Variants in PATJ observed in about 807,000 individuals in gnomAD.
PATJ encodes the protein PATJ crumbs cell polarity complex component, also known as inaD-like protein.
A neutral mutation model predicts 224.9 loss-of-function variants in PATJ; 190 were observed. That is an observed-to-expected ratio of 0.84 (90% CI 0.75 to 0.95). The LOEUF is 0.95. Among genes scored for constraint, PATJ ranks in the 40% least tolerant of loss-of-function variants. The probability of loss-of-function intolerance (pLI) is 0.00; values close to 1 mark genes in which losing one functional copy is unlikely to be tolerated. For synonymous variants in PATJ, 769 were observed against 820.3 expected (o/e 0.94, Z 1.07); for missense variants, 2,121 against 2,270.3 (o/e 0.93, Z 1.34).
chr1:62,058,270 C>G (rs1466961956), intron 31 of PATJ, among the ~76,000 whole-genome samples: 1 of 152,206 alleles, frequency 6.6e-6, no homozygotes, highest in Non-Finnish European at 1.5e-5. Context: ...GAAATGCACA[C>G]TGCAGCTGAC....
intron 26 of PATJ, among the ~76,000 whole-genome samples, chr1:61,927,065 GT>G: frequency 6.6e-6 from 1 of 152,232 alleles, no homozygotes; most frequent in Non-Finnish European, 1.5e-5. Context: ...TGATCATAGA[GT>G]TTAGTTCTAC....
intron 28 of PATJ, among the ~76,000 whole-genome samples, chr1:61,995,871 T>C (rs1645322407): frequency 6.6e-6 from 1 of 152,216 alleles, no homozygotes; most frequent in Non-Finnish European, 1.5e-5. Context: ...TCATTTATAA[T>C]CTTCCCTTCA....
chr1:62,037,938 T>G, intron 29 of PATJ, 39 bp from the exon 30 acceptor site: 1 of 1,365,122 alleles, frequency 7.3e-7, no homozygotes, highest in Non-Finnish European at 1.0e-6. Context: ...AACTTAGCAT[T>G]TACTGTGTAC....
chr1:61,781,062 A>T (rs1020531787), intron 7 of PATJ, among the ~76,000 whole-genome samples: 2 of 152,218 alleles, frequency 1.3e-5, no homozygotes, highest in African/African-American at 4.8e-5. Flanking sequence ...CAAATTATAG[A>T]TATGGAAACC....
intron 28 of PATJ, among the ~76,000 whole-genome samples, chr1:62,003,284 A>G (rs575153154): frequency 8.5e-5 from 13 of 152,284 alleles, no homozygotes; most frequent in Admixed American, 2.6e-4. Context: ...ATATTTCTCT[A>G]TTTTCTCGAA....
chr1:61,872,305 T>C (rs1296431014), intron 20 of PATJ, among the ~76,000 whole-genome samples: 4 of 152,114 alleles, frequency 2.6e-5, no homozygotes, highest in Non-Finnish European at 4.4e-5. Context: ...TAGGCTCCAT[T>C]AGTTATCTGA....
At chr1:61,857,900 G>A (rs538482408) in intron 18 of PATJ, among the ~76,000 whole-genome samples, 146 of 152,178 alleles carry the variant, frequency 9.6e-4, no homozygotes, top group Non-Finnish European at 1.7e-3. Flanking sequence ...AGAGAATTCC[G>A]AAGGTATTTT....
At chr1:61,920,238 A>G (rs1033192262) in intron 26 of PATJ, among the ~76,000 whole-genome samples, 1 of 152,130 alleles carries the variant, frequency 6.6e-6, no homozygotes, top group East Asian at 1.9e-4. Flanking sequence ...TCACCCACTG[A>G]TACGGTTTGG....
chr1:62,142,912 A>C (rs11805802), intron 41 of PATJ, among the ~76,000 whole-genome samples: 5,250 of 152,242 alleles, frequency 0.034, 164 homozygotes, highest in South Asian at 0.13. Flanking sequence ...CAAAGGGAAA[A>C]CACTACAAGG....
At chr1:61,981,421 A>G (rs1041508470) in intron 27 of PATJ, among the ~76,000 whole-genome samples, 3 of 152,108 alleles carry the variant, frequency 2.0e-5, no homozygotes, top group Admixed American at 2.0e-4. Flanking sequence ...AGAAAGTATT[A>G]TTTTTTCCTC....
intron 27 of PATJ, among the ~76,000 whole-genome samples, chr1:61,952,722 G>A (rs1679897378): frequency 6.6e-6 from 1 of 152,170 alleles, no homozygotes; most frequent in Admixed American, 6.5e-5. Flanking sequence ...CACTGTTCAT[G>A]CTGTATTCTC....
intron 17 of PATJ, among the ~76,000 whole-genome samples, chr1:61,845,783 G>A (rs1271203349): frequency 6.6e-6 from 1 of 152,200 alleles, no homozygotes; most frequent in Non-Finnish European, 1.5e-5. Context: ...TGTGTTGTCA[G>A]ACAATCTCCC....
chr1:61,945,430 TAGTCTCTGATAAAAC>T (rs1294553590), intron 27 of PATJ, among the ~76,000 whole-genome samples: 1 of 150,950 alleles, frequency 6.6e-6, no homozygotes, highest in Non-Finnish European at 1.5e-5. Context: ...GTTGCAATCC[TAGTCTCTGATAAAAC>T]AGACTTTAAA....
intron 18 of PATJ, among the ~76,000 whole-genome samples, chr1:61,857,467 C>T (rs898607060): frequency 1.3e-5 from 2 of 152,210 alleles, no homozygotes; most frequent in African/African-American, 4.8e-5. Flanking sequence ...AAACCCTGTG[C>T]TCTTAGCCAC....
rs1675441484 is a variant in PATJ at position 61,927,823 on chromosome 1, A to G, written c.3664A>G (p.Thr1222Ala). 1 of 1,609,258 alleles carries G rather than the reference A, an allele frequency of 6.2e-7. No individual in the cohort carries two copies. Among genetic ancestry groups the G allele is most frequent in the Admixed American group, 1.7e-5 (1 of 59,736 alleles). ...SDENEEEDAF[T>A]DQKIRQRYAD... Reference sequence around the variant, plus strand: ...TGAAAATGAAGAAGAAGATGCCTTTACCGACCGTGAGTGCCTTTTCACTAT... The same window carrying G: ...TGAAAATGAAGAAGAAGATGCCTTTGCCGACCGTGAGTGCCTTTTCACTAT... Residue 1222 changes from threonine to alanine, a missense_variant, in exon 27 of 44, where the codon ACC (threonine) becomes GCC (alanine). By Grantham distance (58) the Thr-to-Ala change is moderately conservative. Coordinates refer to ENST00000642238, the MANE Select transcript of PATJ (RefSeq NM_001350145.3).
chr1:61,991,383 A>G (rs1395968268), intron 28 of PATJ: 1 of 462,736 alleles, frequency 2.2e-6, no homozygotes, highest in African/African-American at 2.1e-5. Flanking sequence ...TTCCAACTTT[A>G]GGACATTTAG....
chr1:62,102,880 AAAAAAG>A (rs1662374760), intron 33 of PATJ, among the ~76,000 whole-genome samples: 1 of 151,146 alleles, frequency 6.6e-6, no homozygotes, highest in African/African-American at 2.4e-5. Context: ...AAAAAAAAAA[AAAAAAG>A]AATAACAAAT....
intron 17 of PATJ, among the ~76,000 whole-genome samples, chr1:61,849,343 C>A (rs941635115): frequency 6.6e-6 from 1 of 151,890 alleles, no homozygotes. Context: ...TGCCTGTAAT[C>A]CCAGTACTTT....
chr1:62,112,416 GAATTGCTTGA>G (rs1663947295), intron 34 of PATJ, among the ~76,000 whole-genome samples: 1 of 152,194 alleles, frequency 6.6e-6, no homozygotes, highest in South Asian at 2.1e-4. Flanking sequence ...TGAGTCTGGA[GAATTGCTTGA>G]AACCGGAAAG....
Sources: gnomAD v4.1 joint callset for allele counts (sites outside exome capture counted in the v4.1 genomes callset) on GRCh38, gnomAD v4.1.1 for gene constraint, MANE v1.5 for transcripts, NCBI Gene and HGNC (gene_info 2026-07-23, HGNC 2026-07-21) for gene names.